The following RAB11B variants were observed in gnomAD, a reference collection of about 807,000 sequenced individuals.
RAB11B encodes the protein ras-related protein Rab-11B.
RAB11B carries 7 observed loss-of-function variants against 23.7 expected under a neutral mutation model. That is an observed-to-expected ratio of 0.29 (90% CI 0.17 to 0.55). RAB11B has a LOEUF of 0.55. RAB11B is among the 20% of genes least tolerant of loss of function. The pLI is 0.93. For missense variants in RAB11B, 189 were observed against 320.0 expected, an observed-to-expected ratio of 0.59 and a Z score of 3.12; for synonymous variants, 138 against 132.0, an observed-to-expected ratio of 1.05 and a Z score of -0.31.
chr19:8,399,370 G>C (rs1971420790), intron 1 of RAB11B, among the ~76,000 whole-genome samples: 1 of 152,194 alleles, frequency 6.6e-6, no homozygotes, highest in Non-Finnish European at 1.5e-5. Flanking sequence ...TTACAGGCGG[G>C]AGCCACCGTG....
At chr19:8,401,996 A>T in intron 2 of RAB11B, 90 bp from the exon 3 acceptor site, 2 of 1,378,328 alleles carry the variant, frequency 1.5e-6, no homozygotes, top group Non-Finnish European at 1.9e-6. Context: ...TGGACGACCC[A>T]CCCTGGGCGT....
At chr19:8,390,478 C>T (rs749075986) in intron 1 of RAB11B, 22 bp downstream of exon 1, 5 of 1,485,316 alleles carry the variant, frequency 3.4e-6, no homozygotes, top group Non-Finnish European at 3.6e-6. Flanking sequence ...GGGGCACAGA[C>T]GGGCGAAGTC....
At chr19:8,398,009 G>A (rs754290442) in intron 1 of RAB11B, among the ~76,000 whole-genome samples, 1 of 152,162 alleles carries the variant, frequency 6.6e-6, no homozygotes, top group African/African-American at 2.4e-5. Flanking sequence ...CTGGTTGGCT[G>A]TATTCAAGTG....
At chr19:8,399,729 G>A (rs1689671686) in intron 1 of RAB11B, 134 bp from the exon 2 acceptor site, 3 of 973,232 alleles carry the variant, frequency 3.1e-6, no homozygotes, top group Admixed American at 2.3e-5. Flanking sequence ...CAGGCCCTGG[G>A]CTCCAGGCAT....
chr19:8,398,388 C>A (rs1164932404), intron 1 of RAB11B, among the ~76,000 whole-genome samples: 1 of 152,218 alleles, frequency 6.6e-6, no homozygotes, highest in East Asian at 1.9e-4. Context: ...GCTGTGCACC[C>A]CCCTCCTGGG....
At position 8,396,852 on chromosome 19, in the gene RAB11B, C is replaced by T. The variant is rs1971401298; in HGVS notation, c.41-3011C>T. Among the ~76,000 whole-genome samples, 1 of 152,076 alleles carries T rather than the reference C, an allele frequency of 6.6e-6. No homozygotes were observed. The highest frequency in any genetic ancestry group is 1.5e-5 in the Non-Finnish European group (1 of 68,004). ...CCCTGGCTCGGCACTCACGGGCGCT[C>T]TCTGGTGGCTGCTGCAGGAGGACAG... On this transcript the variant is annotated intron_variant, in intron 1 of 4. Coordinates refer to ENST00000328024, the MANE Select transcript of RAB11B (RefSeq NM_004218.4). The surrounding 1 kb of genome is among the most constrained non-coding windows in gnomAD (Gnocchi z 5.0).
chr19:8,394,433 G>A (rs1599685112), intron 1 of RAB11B, among the ~76,000 whole-genome samples: 1 of 152,216 alleles, frequency 6.6e-6, no homozygotes, highest in African/African-American at 2.4e-5. Context: ...GGGATTACAG[G>A]CGTGAGCCAC....
intron 2 of RAB11B, among the ~76,000 whole-genome samples, chr19:8,401,331 C>T (rs1477201651): frequency 6.6e-6 from 1 of 151,844 alleles, no homozygotes; most frequent in Non-Finnish European, 1.5e-5. Flanking sequence ...CTGCCCGCCT[C>T]GGCCTCCCAA....
chr19:8,395,776 G>T (rs1971392481), intron 1 of RAB11B, among the ~76,000 whole-genome samples: 1 of 152,082 alleles, frequency 6.6e-6, no homozygotes, highest in African/African-American at 2.4e-5. Flanking sequence ...GAGCTGGGGT[G>T]CCCAGAGCCT....
At position 8,396,708 on chromosome 19, in the gene RAB11B, C is replaced by CG. The variant is rs1410419996; in HGVS notation, c.41-3155_41-3154insG. 2.0e-5 allele frequency among the ~76,000 whole-genome samples: 1 copy of CG among 48,932 alleles called. No homozygotes were observed. Among genetic ancestry groups the CG allele is most frequent in the African/African-American group, 8.1e-5 (1 of 12,320 alleles). 32.1% of individuals were successfully genotyped at this position (48,932 alleles called of 152,430 possible). A position where few individuals can be genotyped will look rare whatever the true frequency, so the allele number is the denominator to read the frequency against. Reference sequence around the variant, plus strand: ...GCCTGTGTGGCTGGAGCAGAGTGAGCCGGGGGGGGGGCGGGAGGGAGGAGG... The same window carrying CG: ...GCCTGTGTGGCTGGAGCAGAGTGAGCGCGGGGGGGGGGCGGGAGGGAGGAGG... On this transcript the variant is annotated intron_variant, in intron 1 of 4. Transcript: ENST00000328024. The surrounding 1 kb of genome is among the most constrained non-coding windows in gnomAD (Gnocchi z 5.0).
At chr19:8,402,587 G>A in intron 4 of RAB11B, 22 bp downstream of exon 4, 1 of 1,579,064 alleles carries the variant, frequency 6.3e-7, no homozygotes, top group Non-Finnish European at 8.7e-7. Context: ...CCAGATGGGT[G>A]TGGGTAGGGC....
chr19:8,403,365 C>T, intron 4 of RAB11B, 48 bp from the exon 5 acceptor site: 3 of 1,576,112 alleles, frequency 1.9e-6, no homozygotes, highest in Non-Finnish European at 2.6e-6. Flanking sequence ...CCTCGGCAGG[C>T]AGGGCACGTG....
intron 1 of RAB11B, among the ~76,000 whole-genome samples, chr19:8,391,375 A>G (rs532546524): frequency 6.6e-6 from 1 of 152,284 alleles, no homozygotes; most frequent in Non-Finnish European, 1.5e-5. Context: ...ACTTCTTCCA[A>G]CACGTGCGCA....
intron 2 of RAB11B, among the ~76,000 whole-genome samples, chr19:8,401,249 T>G (rs923705211): frequency 2.8e-5 from 4 of 143,312 alleles, no homozygotes; most frequent in African/African-American, 1.0e-4. Flanking sequence ...CCTGGCTAAT[T>G]TTTTGTATTT....
At chr19:8,403,340 G>T (rs553706232) in intron 4 of RAB11B, 73 bp from the exon 5 acceptor site, 64 of 1,554,644 alleles carry the variant, frequency 4.1e-5, no homozygotes, top group Non-Finnish European at 5.3e-5. Flanking sequence ...CTGGAGTCCT[G>T]CAGGGAGGGG....
chr19:8,399,749 C>T, intron 1 of RAB11B, 114 bp from the exon 2 acceptor site: 2 of 1,216,888 alleles, frequency 1.6e-6, no homozygotes, highest in Admixed American at 2.0e-5. Context: ...TCTCTCGACT[C>T]CTCCACACCG....
intron 1 of RAB11B, among the ~76,000 whole-genome samples, chr19:8,397,689 T>C (rs945413508): frequency 6.6e-5 from 10 of 151,948 alleles, no homozygotes; most frequent in African/African-American, 2.4e-4. Context: ...AGCCCCACAG[T>C]GTGGCCAGGG....
intron 1 of RAB11B, among the ~76,000 whole-genome samples, chr19:8,397,454 G>C (rs1316492095): frequency 6.6e-6 from 1 of 152,094 alleles, no homozygotes; most frequent in African/African-American, 2.4e-5. Context: ...TGCAGGCAGG[G>C]AAGGAGGGAG....
At chr19:8,392,322 C>T (rs548046068) in intron 1 of RAB11B, among the ~76,000 whole-genome samples, 29 of 152,298 alleles carry the variant, frequency 1.9e-4, no homozygotes, top group South Asian at 1.2e-3. Context: ...CCTTGAAGTG[C>T]GTTCCCAGCA....
Sources: allele counts gnomAD v4.1 joint callset (sites outside exome capture counted in the v4.1 genomes callset), GRCh38; gene constraint gnomAD v4.1.1; non-coding constraint Gnocchi (gnomAD v3.1); transcripts MANE v1.5; gene names NCBI Gene and HGNC (gene_info 2026-07-23, HGNC 2026-07-21).